The following SLC41A3 variants were observed in gnomAD, a reference collection of about 807,000 sequenced individuals.
SLC41A3 encodes the protein SLC41A1-like 2.
SLC41A3 carries 44 observed loss-of-function variants against 45.4 expected under a neutral mutation model. That is an observed-to-expected ratio of 0.97 (90% confidence interval 0.76 to 1.25). The LOEUF (loss-of-function observed/expected upper bound fraction) is 1.25, where lower values mean the gene tolerates loss of function less well. Ranked by LOEUF, SLC41A3 falls within the 50% of genes most tolerant of loss-of-function variation. SLC41A3 has a pLI of 0.00. For synonymous variants in SLC41A3, 256 were observed against 252.4 expected (o/e 1.01, Z -0.13); for missense variants, 550 against 600.6 (o/e 0.92, Z 0.88).
intron 5 of SLC41A3, chr3:126,023,283 A>C: frequency 4.9e-6 from 1 of 204,928 alleles, no homozygotes; most frequent in Non-Finnish European, 9.9e-6. Context: ...GGCTGCTCCA[A>C]AGATGCTCGG....
chr3:126,016,770 A>T lies in SLC41A3; in HGVS notation c.851T>A (p.Phe284Tyr), dbSNP rs146752841. ...GGCCAGGATGATTGGGAACCAGCCAAACTTCAGGATCTTCACGATGGGTGG... is the reference window on the plus strand; with the variant it reads ...GGCCAGGATGATTGGGAACCAGCCATACTTCAGGATCTTCACGATGGGTGG... The part of the protein sequence containing the change: ...QSPPIVKILK[F>Y]GWFPIILAMV... Residue 284 changes from phenylalanine (F) to tyrosine (Y), a missense_variant, in exon 7 of 11, where the codon TTT (phenylalanine) becomes TAT (tyrosine). Physicochemically the swap from Phe to Tyr is conservative, Grantham distance 22. Coordinates refer to ENST00000360370, the MANE Select transcript of SLC41A3 (RefSeq NM_017836.4). 1.9e-6 allele frequency: 3 copies of T among 1,612,382 alleles called. No individual in the cohort carries two copies. The highest frequency in any genetic ancestry group is 1.7e-6 in the Non-Finnish European group (2 of 1,179,430).
intron 2 of SLC41A3, chr3:126,067,686 A>C (rs1206055057): frequency 3.7e-6 from 2 of 544,782 alleles, no homozygotes; most frequent in Non-Finnish European, 6.7e-6. Context: ...TTCAAAGTAC[A>C]TCAGAAGGGA....
chr3:126,052,966 G>A (rs1943436481), intron 2 of SLC41A3, among the ~76,000 whole-genome samples: 1 of 152,214 alleles, frequency 6.6e-6, no homozygotes, highest in Non-Finnish European at 1.5e-5. Flanking sequence ...AGACGGCGGG[G>A]GAAGCTGAAT....
chr3:126,057,113 C>G (rs1943718385), intron 2 of SLC41A3: 1 of 986,744 alleles, frequency 1.0e-6, no homozygotes, highest in Non-Finnish European at 1.2e-6. Context: ...CTCAGGCCAG[C>G]TCTACAGACC....
Position 126,026,460 on chromosome 3 carries a change from CCCA to C in SLC41A3, c.470_472del (p.Val157del). The C allele has an allele frequency of 1.9e-6, 3 of 1,604,456 alleles. No homozygotes were observed. The highest frequency in any genetic ancestry group is 2.6e-6 in the Non-Finnish European group (3 of 1,175,276). On this transcript the variant is annotated inframe_deletion, in exon 5 of 11. Transcript: ENST00000360370. This position sits in a 1 kb window ranked among gnomAD's most constrained non-coding sequence, Gnocchi z 4.2. ...CAGCGCAGCCACAGCAGCCAAGAGCCCCACGACAGTGGCCTGCACCTGTTGGAC... is the reference window on the plus strand; with the variant it reads ...CAGCGCAGCCACAGCAGCCAAGAGCCCGACAGTGGCCTGCACCTGTTGGAC...
chr3:126,028,332 G>A (rs1053424618), intron 4 of SLC41A3, among the ~76,000 whole-genome samples: 11 of 152,222 alleles, frequency 7.2e-5, no homozygotes, highest in Middle Eastern at 3.4e-3. Context: ...CCATGTCCCA[G>A]TCGCTCAAGC....
chr3:126,022,763 C>G lies in SLC41A3; in HGVS notation c.745+23G>C, dbSNP rs779813807. Reference sequence around the variant, plus strand: ...CCCCCCCTCCACGGAGCCTTTGTGTCTATAGAAGAAGACACTCTTTACCTT... The same window carrying G: ...CCCCCCCTCCACGGAGCCTTTGTGTGTATAGAAGAAGACACTCTTTACCTT... On this transcript the variant is annotated intron_variant, in intron 6 of 10. Coordinates refer to ENST00000360370, the MANE Select transcript of SLC41A3 (RefSeq NM_017836.4). 6 of 1,613,830 alleles carry G rather than the reference C, an allele frequency of 3.7e-6. No homozygotes were observed. In the South Asian group the frequency reaches 6.6e-5, roughly 18 times the overall value.
intron 1 of SLC41A3, among the ~76,000 whole-genome samples, chr3:126,090,028 CTTTTTTTTT>C (rs59737864): frequency 1.0e-5 from 1 of 99,336 alleles, no homozygotes; most frequent in Non-Finnish European, 2.0e-5. Flanking sequence ...TCAAGAAAAT[CTTTTTTTTT>C]TTTTTTTTTT....
intron 2 of SLC41A3, among the ~76,000 whole-genome samples, chr3:126,063,333 C>G (rs1222234385): frequency 6.6e-6 from 1 of 152,060 alleles, no homozygotes; most frequent in Admixed American, 6.5e-5. Context: ...ACCCAAGGCC[C>G]CTTGAGATGG....
chr3:126,045,317 CAG>C (rs1327120020), intron 3 of SLC41A3, among the ~76,000 whole-genome samples: 1 of 145,178 alleles, frequency 6.9e-6, no homozygotes, highest in Non-Finnish European at 1.5e-5. Context: ...AGAAAAATAA[CAG>C]AGAAAAATCA....
At chr3:126,039,731 C>T (rs748404316) in intron 3 of SLC41A3, among the ~76,000 whole-genome samples, 12 of 152,202 alleles carry the variant, frequency 7.9e-5, no homozygotes, top group Non-Finnish European at 1.5e-4. Context: ...AACAACCAGA[C>T]AATCCACACA....
upstream of SLC41A3, among the ~76,000 whole-genome samples, chr3:126,086,073 A>G (rs1038109702): frequency 1.3e-5 from 2 of 152,148 alleles, no homozygotes; most frequent in Non-Finnish European, 2.9e-5. Flanking sequence ...CAAAAACCCT[A>G]GGCCACAGCT....
intron 2 of SLC41A3, among the ~76,000 whole-genome samples, chr3:126,060,353 A>C (rs1943993092): frequency 6.6e-6 from 1 of 151,986 alleles, no homozygotes; most frequent in Admixed American, 6.6e-5. Flanking sequence ...TGGGAGGCGG[A>C]GGTTGCGGTG....
At chr3:126,017,084 C>T (rs1580405110) in intron 6 of SLC41A3, among the ~76,000 whole-genome samples, 1 of 152,204 alleles carries the variant, frequency 6.6e-6, no homozygotes, top group Admixed American at 6.5e-5. Context: ...CTGCCACATT[C>T]AACTCCACTT....
intron 1 of SLC41A3, among the ~76,000 whole-genome samples, chr3:126,089,817 T>C (rs1185458533): frequency 6.6e-6 from 1 of 152,176 alleles, no homozygotes; most frequent in African/African-American, 2.4e-5. Flanking sequence ...ATGGTTTACA[T>C]AGAATCTTGC....
intron 1 of SLC41A3, among the ~76,000 whole-genome samples, chr3:126,093,560 C>T (rs1196275083): frequency 6.6e-6 from 1 of 152,210 alleles, no homozygotes; most frequent in East Asian, 1.9e-4. Context: ...TGGACCCTTG[C>T]CATCAGGGAC....
chr3:126,090,804 G>T (rs1267854711), intron 1 of SLC41A3, among the ~76,000 whole-genome samples: 2 of 152,114 alleles, frequency 1.3e-5, no homozygotes, highest in Non-Finnish European at 2.9e-5. Flanking sequence ...AGGAAGAGTG[G>T]GGCATGTGAG....
At chr3:126,018,612 G>C (rs927554218) in intron 6 of SLC41A3, among the ~76,000 whole-genome samples, 3 of 152,148 alleles carry the variant, frequency 2.0e-5, no homozygotes, top group African/African-American at 7.2e-5. Context: ...CAAATCCCTA[G>C]GCCTACATTC....
At chr3:126,057,958 C>G (rs2107946488) in intron 2 of SLC41A3, 1 of 152,336 alleles carries the variant, frequency 6.6e-6, no homozygotes, top group South Asian at 2.1e-4. Flanking sequence ...CTGTGGTAGT[C>G]AGTTTCTAGG....
Sources: gnomAD v4.1 joint callset for allele counts (sites outside exome capture counted in the v4.1 genomes callset) on GRCh38, gnomAD v4.1.1 for gene constraint, Gnocchi (gnomAD v3.1) non-coding constraint, MANE v1.5 for transcripts, NCBI Gene and HGNC (gene_info 2026-07-23, HGNC 2026-07-21) for gene names.